MYZAP: variants seen among roughly 807,000 people sequenced by gnomAD.
The protein encoded by MYZAP is GRINL1A complex locus upstream.
MYZAP carries 66 observed loss-of-function variants against 69.4 expected under a neutral mutation model. That is an observed-to-expected ratio of 0.95 (90% CI 0.78 to 1.17). The LOEUF is 1.17. Ranked by LOEUF, MYZAP falls within the 50% of genes most tolerant of loss-of-function variation. MYZAP has a pLI of 0.00. For synonymous variants in MYZAP, 256 were observed against 205.9 expected (o/e 1.24, Z -2.09); for missense variants, 611 against 556.2 (o/e 1.10, Z -0.99).
chr15:57,607,453 C>T (rs1482886015), intron 2 of MYZAP, among the ~76,000 whole-genome samples: 1 of 151,656 alleles, frequency 6.6e-6, no homozygotes, highest in Non-Finnish European at 1.5e-5. Flanking sequence ...TCAATAGGAC[C>T]CTCTTTTTTA....
chr15:57,661,400 T>C (rs1301895363), intron 10 of MYZAP, 50 bp from the exon 11 acceptor site: 7 of 1,381,598 alleles, frequency 5.1e-6, no homozygotes, highest in Non-Finnish European at 7.1e-6. Flanking sequence ...AACCTGTACT[T>C]ACACAATTGT....
At chr15:57,657,542 T>C (rs1253224163) in intron 10 of MYZAP, among the ~76,000 whole-genome samples, 1 of 152,172 alleles carries the variant, frequency 6.6e-6, no homozygotes, top group Non-Finnish European at 1.5e-5. Context: ...TTTTGCAGTA[T>C]ATTTGTTTTT....
intron 12 of MYZAP, among the ~76,000 whole-genome samples, chr15:57,678,699 T>TC: frequency 6.6e-6 from 1 of 152,302 alleles, no homozygotes; most frequent in South Asian, 2.1e-4. Flanking sequence ...TGATAAGGTC[T>TC]CTGTCAGCTA....
intron 10 of MYZAP, chr15:57,647,395 C>G: frequency 1.0e-6 from 1 of 985,422 alleles, no homozygotes; most frequent in Non-Finnish European, 1.2e-6. Flanking sequence ...GTTACCTACA[C>G]TGTTTTTTAG....
At chr15:57,648,986 T>C (rs2037592654) in intron 10 of MYZAP, among the ~76,000 whole-genome samples, 5 of 151,714 alleles carry the variant, frequency 3.3e-5, no homozygotes, top group Admixed American at 3.3e-4. Flanking sequence ...GTGTTTTAAA[T>C]TTTACGTAAA....
intron 6 of MYZAP, among the ~76,000 whole-genome samples, chr15:57,632,023 TG>T (rs1331457920): frequency 3.3e-5 from 5 of 152,174 alleles, no homozygotes; most frequent in Non-Finnish European, 7.3e-5. Flanking sequence ...CATGCTAGGT[TG>T]GAATGTTTCC....
At chr15:57,661,021 ATGCAGGCTGCCC>A (rs1456347917) in intron 10 of MYZAP, among the ~76,000 whole-genome samples, 4 of 152,222 alleles carry the variant, frequency 2.6e-5, no homozygotes, top group Middle Eastern at 3.2e-3. Context: ...AATGTTTGAA[ATGCAGGCTGCCC>A]TGCAAATTCA....
chr15:57,613,572 T>A (rs1334474495), intron 2 of MYZAP, among the ~76,000 whole-genome samples: 1 of 151,706 alleles, frequency 6.6e-6, no homozygotes, highest in Admixed American at 6.6e-5. Flanking sequence ...ATTTTTACCA[T>A]GTTGCCCAGG....
At chr15:57,676,994 C>T (rs770205188) in intron 12 of MYZAP, among the ~76,000 whole-genome samples, 22 of 152,096 alleles carry the variant, frequency 1.4e-4, no homozygotes, top group Non-Finnish European at 2.8e-4. Flanking sequence ...TCCGTGTTTC[C>T]GAAAAGGCAG....
At chr15:57,633,802 G>A in intron 8 of MYZAP, 61 bp downstream of exon 8, 3 of 1,399,112 alleles carry the variant, frequency 2.1e-6, no homozygotes, top group Non-Finnish European at 1.9e-6. Flanking sequence ...AGGTCCATCT[G>A]AGATACGAGA....
chr15:57,629,082 C>T (rs1453683084), intron 5 of MYZAP, among the ~76,000 whole-genome samples: 1 of 31,444 alleles, frequency 3.2e-5, no homozygotes, highest in Non-Finnish European at 6.6e-5. Flanking sequence ...GGCTCTGTCT[C>T]AAAAACAAAA....
At position 57,618,073 on chromosome 15, in the gene MYZAP, C is replaced by T. The variant is rs1221299021; in HGVS notation, c.203C>T (p.Pro68Leu). Residue 68 changes from proline (P) to leucine (L), a missense_variant, in exon 3 of 13, where the codon CCT (proline) becomes CTT (leucine). Coordinates refer to ENST00000267853, the MANE Select transcript of MYZAP (RefSeq NM_001018100.5). ...LSNGEPTRKL[P>L]QGVVYGVVRR... ...AATGGAGAACCTACCAGGAAACTTC[C>T]TCAGGGTGTTGTTTATGGTGTGGTG... 1.7e-5 allele frequency: 27 copies of T among 1,614,068 alleles called. No individual in the cohort carries two copies. Among genetic ancestry groups the T allele is most frequent in the Non-Finnish European group, 2.3e-5 (27 of 1,180,006 alleles).
chr15:57,637,742 G>T lies in MYZAP; in HGVS notation c.981G>T (p.Met327Ile). 1 of 1,612,710 alleles carries T rather than the reference G, an allele frequency of 6.2e-7. No homozygotes were observed. The highest frequency in any genetic ancestry group is 8.5e-7 in the Non-Finnish European group (1 of 1,179,380). Residue 327 changes from methionine (M) to isoleucine (I), a missense_variant, in exon 9 of 13, where the codon ATG (methionine) becomes ATT (isoleucine). Physicochemically the swap from Met to Ile is conservative, Grantham distance 10. Transcript: ENST00000267853. ...AACTCCTAGAACATGAAACAGAAATGTCTGGGGAGTTAACTGATTCTGACA... is the reference window on the plus strand; with the variant it reads ...AACTCCTAGAACATGAAACAGAAATTTCTGGGGAGTTAACTGATTCTGACA... ...QLQLLEHETE[M>I]SGELTDSDKE...
At chr15:57,651,432 GC>G (rs2037721591) in intron 10 of MYZAP, among the ~76,000 whole-genome samples, 1 of 152,104 alleles carries the variant, frequency 6.6e-6, no homozygotes, top group Non-Finnish European at 1.5e-5. Context: ...AAGAATTAGG[GC>G]CCCAGCAGAT....
At chr15:57,674,669 G>A (rs2039028320) in intron 11 of MYZAP, among the ~76,000 whole-genome samples, 1 of 152,166 alleles carries the variant, frequency 6.6e-6, no homozygotes. Flanking sequence ...TAATATAGAT[G>A]GAAAGATAGC....
rs1050007322 is a variant in MYZAP, at chr15:57,622,171, A to G, written c.411+471A>G. On this transcript the variant is annotated intron_variant, in intron 4 of 12. Transcript: ENST00000267853. Reference sequence around the variant, plus strand: ...TGTAGCAGGGTATAAAATTTTATACACACACACACAGAGGATATAAAATTA... The same window carrying G: ...TGTAGCAGGGTATAAAATTTTATACGCACACACACAGAGGATATAAAATTA... Among the ~76,000 whole-genome samples the G allele has an allele frequency of 4.6e-5, 7 of 151,984 alleles. No individual in the cohort carries two copies. The South Asian group carries it at 1.5e-3, about 32-fold the overall frequency.
At chr15:57,675,437 C>T (rs2039070636) in intron 12 of MYZAP, among the ~76,000 whole-genome samples, 1 of 152,110 alleles carries the variant, frequency 6.6e-6, no homozygotes, top group Non-Finnish European at 1.5e-5. Flanking sequence ...AGAGTACAGT[C>T]TGGAGGGAGA....
At chr15:57,603,333 A>G (rs1374181066) in intron 1 of MYZAP, among the ~76,000 whole-genome samples, 1 of 152,068 alleles carries the variant, frequency 6.6e-6, no homozygotes, top group Non-Finnish European at 1.5e-5. Context: ...AATTGTAGCA[A>G]TGTACTTGTG....
chr15:57,677,277 T>TTGTC (rs1346135266), intron 12 of MYZAP, among the ~76,000 whole-genome samples: 1 of 152,224 alleles, frequency 6.6e-6, no homozygotes, highest in African/African-American at 2.4e-5. Context: ...TTAGTTTGTT[T>TTGTC]TGTCTGTTGG....
Sources: allele counts gnomAD v4.1 joint callset (sites outside exome capture counted in the v4.1 genomes callset), GRCh38; gene constraint gnomAD v4.1.1; transcripts MANE v1.5; gene names NCBI Gene and HGNC (gene_info 2026-07-23, HGNC 2026-07-21).